Variants in TCN2 observed in about 807,000 individuals in gnomAD.
TCN2 encodes transcobalamin-2.
TCN2 carries 34 observed loss-of-function variants against 48.6 expected under a neutral mutation model. That is an observed-to-expected ratio of 0.70 (90% CI 0.53 to 0.93). The LOEUF is 0.93. TCN2 is among the 40% of genes least tolerant of loss of function. The pLI, the probability that TCN2 is intolerant of heterozygous loss-of-function variation, is 0.00. For missense variants in TCN2, 652 were observed against 526.1 expected (o/e 1.24, Z -2.34); for synonymous variants, 283 against 212.5 (o/e 1.33, Z -2.89).
chr22:30,626,580 C>T lies in TCN2; in HGVS notation c.*59C>T, dbSNP rs370900093. The T allele has an allele frequency of 1.1e-5, 18 of 1,591,186 alleles. No individual in the cohort carries two copies. In the South Asian group the frequency reaches 1.2e-4, roughly 11 times the overall value. On this transcript the variant is annotated 3_prime_UTR_variant, in exon 9 of 9. Coordinates refer to ENST00000215838, the MANE Select transcript of TCN2 (RefSeq NM_000355.4). ...ACTCCCTAGGCTTCTACCCTCCCTC[C>T]TGATGTCCCTGGAACAGGAACTCGC...
chr22:30,616,203 G>T (rs1301459934), intron 6 of TCN2, among the ~76,000 whole-genome samples: 1 of 152,210 alleles, frequency 6.6e-6, no homozygotes, highest in East Asian at 1.9e-4. Context: ...GGAGAAAGAG[G>T]CCAGGTGCAG....
chr22:30,623,815 C>CACATATATAT (rs2087743613), intron 8 of TCN2, among the ~76,000 whole-genome samples: 2 of 49,804 alleles, frequency 4.0e-5, no homozygotes, highest in Non-Finnish European at 3.1e-5. Flanking sequence ...CACATATATA[C>CACATATATAT]ACACACATAC....
chr22:30,616,790 G>A (rs2087618511), intron 6 of TCN2, among the ~76,000 whole-genome samples: 1 of 152,198 alleles, frequency 6.6e-6, no homozygotes, highest in East Asian at 1.9e-4. Context: ...GACAGTGTGA[G>A]ACTCTGTCTC....
In TCN2 at chr22:30,626,788, C is replaced by T. The variant is rs781394351; in HGVS notation, c.*267C>T. 2 of 574,974 alleles carry T rather than the reference C, an allele frequency of 3.5e-6. No homozygotes were observed. The highest frequency in any genetic ancestry group is 3.0e-5 in the Admixed American group (1 of 33,302). The allele number at this position is 574,974 out of a possible 1,614,324, so 35.6% of individuals were successfully genotyped here. On this transcript the variant is annotated 3_prime_UTR_variant, in exon 9 of 9. Coordinates refer to ENST00000215838, the MANE Select transcript of TCN2 (RefSeq NM_000355.4). ...CCTGCAGGTCTCCCATGAAGGCCAC[C>T]CCATGGTCTGATGGGCATGAAGCAT...
chr22:30,624,061 C>T (rs1397907003), intron 8 of TCN2, among the ~76,000 whole-genome samples: 221 of 14,000 alleles, frequency 0.016, 62 homozygotes, highest in Non-Finnish European at 0.024. Flanking sequence ...CACACACACA[C>T]ATATATATAT....
chr22:30,615,878 T>G, intron 6 of TCN2, 91 bp downstream of exon 6: 2 of 1,536,168 alleles, frequency 1.3e-6, no homozygotes, highest in South Asian at 1.1e-5. Context: ...CATCCTGATT[T>G]GCTGAGTCAG....
At chr22:30,610,684 C>T (rs560350988) in intron 1 of TCN2, among the ~76,000 whole-genome samples, 187 bp from the exon 2 acceptor site, 49 of 152,348 alleles carry the variant, frequency 3.2e-4, no homozygotes, top group African/African-American at 9.4e-4. Flanking sequence ...TAGAGATACA[C>T]GCTTCCCCTC....
rs1234479866 is a variant in TCN2, at chr22:30,613,200, C to G, written c.427+158C>G. On this transcript the variant is annotated intron_variant, in intron 3 of 8. Coordinates refer to ENST00000215838, the MANE Select transcript of TCN2 (RefSeq NM_000355.4). Reference sequence around the variant, plus strand: ...GCCTACGTAGAGGCTCGAACCTGTCCCCATAGCCATCCTTGACCCAGCTTT... The same window carrying G: ...GCCTACGTAGAGGCTCGAACCTGTCGCCATAGCCATCCTTGACCCAGCTTT... Among the ~76,000 whole-genome samples the G allele has an allele frequency of 2.0e-5, 3 of 152,276 alleles. No individual in the cohort carries two copies. The East Asian group carries it at 5.8e-4, about 29-fold the overall frequency.
At position 30,614,521 on chromosome 22, in the gene TCN2, C is replaced by T. The variant is rs371132496; in HGVS notation, c.580+20C>T. On this transcript the variant is annotated intron_variant, in intron 4 of 8. Coordinates refer to ENST00000215838, the MANE Select transcript of TCN2 (RefSeq NM_000355.4). The stretch of plus-strand genomic sequence containing the variant: ...CTGTGGGTGAGTAGGTCAGACCGTG[C>T]CAAGGCCAGGCTGGCACTCCCTCAG... The T allele has an allele frequency of 5.7e-5, 92 of 1,613,712 alleles. No homozygotes were observed. The highest frequency in any genetic ancestry group is 7.5e-5 in the Non-Finnish European group (88 of 1,179,980).
rs2087621485 is a variant in TCN2, at chr22:30,617,033, TG to T, written c.941-296del. Among the ~76,000 whole-genome samples, 3 of 151,402 alleles carry T rather than the reference TG, an allele frequency of 2.0e-5. No individual in the cohort carries two copies. In the South Asian group the frequency reaches 6.3e-4, roughly 32 times the overall value. ...AGGAAGAGCCCTCTGGAGTGCTAGG[TG>T]CCAGAGAGGTGGGAGGAAGGATACT... On this transcript the variant is annotated intron_variant, in intron 6 of 8. Transcript: ENST00000215838.
Position 30,615,585 on chromosome 22 carries a change from CTCACTCTA to C in TCN2, c.754-11_754-4del. 1 of 1,614,088 alleles carries C rather than the reference CTCACTCTA, an allele frequency of 6.2e-7. No homozygotes were observed. The highest frequency in any genetic ancestry group is 8.5e-7 in the Non-Finnish European group (1 of 1,179,988). ...GCCGGCTGACTTCCTCTCTCTCTTC[CTCACTCTA>C]TCACCAGTTCCTCATGACTTCCCCC... On this transcript the variant is annotated splice_polypyrimidine_tract_variant and splice_region_variant and intron_variant, in intron 5 of 8. Transcript: ENST00000215838.
chr22:30,615,257 C>G lies in TCN2; in HGVS notation c.581-44C>G, dbSNP rs767551025. The stretch of plus-strand genomic sequence containing the variant: ...CTCAAGCCCCTGCCTGTCCTGGCCC[C>G]TTTGGCTCTCCAGCTCATTGCATGT... On this transcript the variant is annotated intron_variant, in intron 4 of 8. Coordinates refer to ENST00000215838, the MANE Select transcript of TCN2 (RefSeq NM_000355.4). 12 of 1,612,698 alleles carry G rather than the reference C, an allele frequency of 7.4e-6. No homozygotes were observed. The South Asian group carries it at 1.3e-4, about 18-fold the overall frequency.
In TCN2 at chr22:30,612,938, A is replaced by T. The variant is rs781309237; in HGVS notation, c.323A>T (p.Tyr108Phe). ...GKPSMGQLAL[Y>F]LLALRANCEF... ...CCTTCCATGGGCCAGCTGGCCCTCT[A>T]CCTGCTCGCTCTCAGAGCCAACTGT... The change falls in exon 3 of 9, where the codon TAC becomes TTC. Residue 108 changes from tyrosine (Y) to phenylalanine (F), a missense_variant. Coordinates refer to ENST00000215838, the MANE Select transcript of TCN2 (RefSeq NM_000355.4). The T allele has an allele frequency of 3.6e-5, 58 of 1,613,960 alleles. No individual in the cohort carries two copies. In the Middle Eastern group the frequency reaches 4.9e-4, roughly 14 times the overall value.
intron 7 of TCN2, among the ~76,000 whole-genome samples, chr22:30,621,916 C>A (rs899230560): frequency 2.0e-5 from 3 of 152,254 alleles, no homozygotes; most frequent in African/African-American, 7.2e-5. Context: ...CTCTTGAAGC[C>A]CTTCTTCCAG....
chr22:30,613,125 G>A (rs1032149334), intron 3 of TCN2, 83 bp downstream of exon 3: 25 of 1,553,240 alleles, frequency 1.6e-5, no homozygotes, highest in Non-Finnish European at 2.2e-5. Context: ...TCAGAACTTT[G>A]GGTTTTCTCC....
chr22:30,613,074 G>A, intron 3 of TCN2, 32 bp downstream of exon 3: 4 of 1,611,766 alleles, frequency 2.5e-6, no homozygotes, highest in Non-Finnish European at 3.4e-6. Flanking sequence ...GGGGTGGGGA[G>A]CAGCTGGGAG....
intron 7 of TCN2, 27 bp downstream of exon 7, chr22:30,617,522 C>G (rs763652828): frequency 1.2e-6 from 2 of 1,613,846 alleles, no homozygotes; most frequent in Admixed American, 3.3e-5. Context: ...CCAGTCCTCA[C>G]CCCACCCAAC....
intron 1 of TCN2, among the ~76,000 whole-genome samples, chr22:30,609,954 A>G (rs1470513425): frequency 6.6e-6 from 1 of 152,136 alleles, no homozygotes; most frequent in African/African-American, 2.4e-5. Context: ...GGGATATGGC[A>G]CAGTGAAGGC....
chr22:30,617,392 C>T lies in TCN2; in HGVS notation c.1003C>T (p.Gln335Ter), dbSNP rs771755125. The T allele has an allele frequency of 6.2e-7, 1 of 1,614,136 alleles. No homozygotes were observed. The highest frequency in any genetic ancestry group is 8.5e-7 in the Non-Finnish European group (1 of 1,180,014). ...QTQEIISVTL[Q>*]VLSLLPPYRQ... The stretch of plus-strand genomic sequence containing the variant: ...CCAAGAGATCATCAGTGTCACGCTG[C>T]AGGTGCTTAGTCTCTTGCCGCCGTA... The change falls in exon 7 of 9, where the codon CAG becomes TAG. Residue 335 changes from glutamine (Q) to a stop codon, truncating the protein, a stop_gained. Transcript: ENST00000215838. LOFTEE classifies it high-confidence loss of function.
Sources: allele counts gnomAD v4.1 joint callset (sites outside exome capture counted in the v4.1 genomes callset), GRCh38; gene constraint gnomAD v4.1.1; transcripts MANE v1.5; gene names NCBI Gene and HGNC (gene_info 2026-07-23, HGNC 2026-07-21).